Variants in AMER2 observed in about 807,000 individuals in gnomAD.
The protein encoded by AMER2 is APC membrane recruitment protein 2.
Under a neutral mutation model 4.7 loss-of-function variants are expected in AMER2, and 1 was observed. The ratio of observed to expected loss-of-function variants is 0.21; its 90% confidence interval spans 0.07 to 1.00. The LOEUF (loss-of-function observed/expected upper bound fraction) is 1.00, where lower values mean the gene tolerates loss of function less well. Ranked by LOEUF, AMER2 falls within the 50% of genes least tolerant of loss-of-function variation. The probability of loss-of-function intolerance (pLI) is 0.60; values close to 1 mark genes in which losing one functional copy is unlikely to be tolerated. For synonymous variants in AMER2, 485 were observed against 433.3 expected, an observed-to-expected ratio of 1.12 and a Z score of -1.48; for missense variants, 988 against 966.9, an observed-to-expected ratio of 1.02 and a Z score of -0.29.
chr13:25,171,175 C>T lies in AMER2; in HGVS notation c.445G>A (p.Gly149Arg), dbSNP rs1396074465. ...PGPPRAAGPG[G>R]GSLASSSVAK... is the part of the protein sequence containing the mutation. ...ACCGAGCTGCTGGCGAGGGAGCCCC[C>T]GCCGGGCCCTGCGGCTCTGGGGGGC... Residue 149 changes from glycine to arginine, a missense_variant, in exon 1 of 1, where the codon GGG becomes AGG. Physicochemically the swap from Gly to Arg is moderately radical, Grantham distance 125. Coordinates refer to ENST00000515384, the MANE Select transcript of AMER2 (RefSeq NM_152704.4). This position sits in a 1 kb window ranked among gnomAD's most constrained non-coding sequence, Gnocchi z 5.9. 8 of 1,526,238 alleles carry T rather than the reference C, an allele frequency of 5.2e-6. No individual in the cohort carries two copies. The highest frequency in any genetic ancestry group is 2.9e-5 in the African/African-American group (2 of 69,948). The allele number at this position is 1,526,238 out of a possible 1,614,324, so 94.5% of individuals were successfully genotyped here. A position where few individuals can be genotyped will look rare whatever the true frequency, so the allele number is the denominator to read the frequency against.
rs1188418638 is a variant in AMER2 at position 25,167,398 on chromosome 13, C to G, written c.*2206G>C. 6.6e-6 allele frequency: 1 copy of G among 152,098 alleles called. No individual in the cohort carries two copies. Among genetic ancestry groups the G allele is most frequent in the Admixed American group, 6.5e-5 (1 of 15,268 alleles). 9.4% of individuals were successfully genotyped at this position (152,098 alleles called of 1,614,324 possible). A position where few individuals can be genotyped will look rare whatever the true frequency, so the allele number is the denominator to read the frequency against. ...TAGGGGAAGATGAATGTATTTTGAG[C>G]CTAAATAGTACCAGCGGCATGAAAT... On this transcript the variant is annotated 3_prime_UTR_variant, in exon 1 of 1. Coordinates refer to ENST00000515384, the MANE Select transcript of AMER2 (RefSeq NM_152704.4).
chr13:25,163,733 C>T lies in AMER2; in HGVS notation c.*5871G>A, dbSNP rs965855054. ...TTCAATGGGCACAGAGTTTCAGTTA[C>T]GCAGGATGCATAGGTGAGAGAGATT... On this transcript the variant is annotated 3_prime_UTR_variant, in exon 1 of 1. Coordinates refer to ENST00000515384, the MANE Select transcript of AMER2 (RefSeq NM_152704.4). 13 of 151,710 alleles carry T rather than the reference C, an allele frequency of 8.6e-5. No individual in the cohort carries two copies. Among genetic ancestry groups the T allele is most frequent in the African/African-American group, 1.9e-4 (8 of 41,302 alleles). The allele number at this position is 151,710 out of a possible 1,614,324, so 9.4% of individuals were successfully genotyped here.
At position 25,167,241 on chromosome 13, in the gene AMER2, C is replaced by T. The variant is rs1382306866; in HGVS notation, c.*2363G>A. On this transcript the variant is annotated 3_prime_UTR_variant, in exon 1 of 1. Transcript: ENST00000515384. ...TTCTTAACTTTCCTGTACAATTGAA[C>T]AAATGAACCAACATAACTTTGCCAT... 1 of 152,096 alleles carries T rather than the reference C, an allele frequency of 6.6e-6. No individual in the cohort carries two copies. Among genetic ancestry groups the T allele is most frequent in the Admixed American group, 6.5e-5 (1 of 15,270 alleles). The allele number at this position is 152,096 out of a possible 1,614,324, so 9.4% of individuals were successfully genotyped here. A position where few individuals can be genotyped will look rare whatever the true frequency, so the allele number is the denominator to read the frequency against.
In AMER2 at chr13:25,171,363, A is replaced by G. The variant is rs891375832; in HGVS notation, c.257T>C (p.Val86Ala). 1.2e-6 allele frequency: 2 copies of G among 1,611,390 alleles called. No individual in the cohort carries two copies. The highest frequency in any genetic ancestry group is 3.3e-5 in the Admixed American group (2 of 59,806). The change falls in exon 1 of 1, where the codon GTC becomes GCC. Residue 86 changes from valine to alanine, a missense_variant. By Grantham distance (64) the Val-to-Ala change is moderately conservative (BLOSUM62 0). Coordinates refer to ENST00000515384, the MANE Select transcript of AMER2 (RefSeq NM_152704.4). This position sits in a 1 kb window ranked among gnomAD's most constrained non-coding sequence, Gnocchi z 5.9. Reference sequence around the variant, plus strand: ...GCTTTTCCCGTCCCCTTTGTTTTTGACCCCAAAAATGCTGGGCATGGTGCC... The same window carrying G: ...GCTTTTCCCGTCCCCTTTGTTTTTGGCCCCAAAAATGCTGGGCATGGTGCC... ...SGGTMPSIFG[V>A]KNKGDGKSSG...
rs1330144569 is a variant in AMER2, at chr13:25,171,810, C to T, written c.-191G>A. 6.4e-5 allele frequency: 77 copies of T among 1,204,750 alleles called. 1 individual carries two copies. The highest frequency in any genetic ancestry group is 3.2e-5 in the East Asian group (1 of 31,484). The allele number at this position is 1,204,750 out of a possible 1,614,324, so 74.6% of individuals were successfully genotyped here. On this transcript the variant is annotated 5_prime_UTR_variant, in exon 1 of 1. Coordinates refer to ENST00000515384, the MANE Select transcript of AMER2 (RefSeq NM_152704.4). The surrounding 1 kb of genome is among the most constrained non-coding windows in gnomAD (Gnocchi z 5.9). ...CACTTCCATCCGACTTGGCTCGGCG[C>T]TGCATGGCGTTTTTGTGGCAGGAGC... is the stretch of plus-strand genomic sequence containing the variant.
At position 25,171,516 on chromosome 13, in the gene AMER2, C is replaced by T. The variant is rs747625357; in HGVS notation, c.104G>A (p.Gly35Glu). 3.1e-6 allele frequency: 5 copies of T among 1,598,026 alleles called. No homozygotes were observed. In the South Asian group the frequency reaches 5.6e-5, roughly 18 times the overall value. ...VCRRKAEAGA[G>E]TGTLAADMDL... is the part of the protein sequence containing the mutation. ...CATGTCTGCCGCGAGGGTCCCGGTC[C>T]CGGCCCCGGCCTCCGCCTTCCTCCT... Residue 35 changes from glycine to glutamate, a missense_variant, in exon 1 of 1, where the codon GGG (glycine) becomes GAG (glutamate). Physicochemically the swap from Gly to Glu is moderately conservative, Grantham distance 98. Transcript: ENST00000515384. This position sits in a 1 kb window ranked among gnomAD's most constrained non-coding sequence, Gnocchi z 5.9.
rs1593691420 is a variant in AMER2, at chr13:25,171,963, C to A, written c.-344G>T. Reference sequence around the variant, plus strand: ...TCTTCACGGGAGCGCAACCATGGATCACGAAATGCCTCTAAAAACGACAAC... The same window carrying A: ...TCTTCACGGGAGCGCAACCATGGATAACGAAATGCCTCTAAAAACGACAAC... On this transcript the variant is annotated 5_prime_UTR_variant, in exon 1 of 1. Transcript: ENST00000515384. This position sits in a 1 kb window ranked among gnomAD's most constrained non-coding sequence, Gnocchi z 5.9. 6.5e-6 allele frequency: 2 copies of A among 305,670 alleles called. No homozygotes were observed. The allele number at this position is 305,670 out of a possible 1,614,324, so 18.9% of individuals were successfully genotyped here.
At position 25,165,467 on chromosome 13, in the gene AMER2, T is replaced by C. The variant is rs546812436; in HGVS notation, c.*4137A>G. On this transcript the variant is annotated 3_prime_UTR_variant, in exon 1 of 1. Transcript: ENST00000515384. ...ACCCCTTTGGTTCCAAACTGCTTCA[T>C]AAATATTTTTGTGTGTAATGAATTG... The C allele has an allele frequency of 6.6e-6, 1 of 152,376 alleles. No homozygotes were observed. Among genetic ancestry groups the C allele is most frequent in the South Asian group, 2.1e-4 (1 of 4,830 alleles). The allele number at this position is 152,376 out of a possible 1,614,324, so 9.4% of individuals were successfully genotyped here.
rs1381484654 is a variant in AMER2, at chr13:25,171,337, A to C, written c.283T>G (p.Ser95Ala). 6.2e-7 allele frequency: 1 copy of C among 1,609,660 alleles called. No individual in the cohort carries two copies. The highest frequency in any genetic ancestry group is 8.5e-7 in the Non-Finnish European group (1 of 1,178,770). Reference protein sequence around the residue: ...GVKNKGDGKSSGPTGLVRSRT... With the variant: ...GVKNKGDGKSAGPTGLVRSRT... ...CTCCTCACCAGCCCCGTCGGACCCG[A>C]GCTTTTCCCGTCCCCTTTGTTTTTG... Residue 95 changes from serine to alanine, a missense_variant, in exon 1 of 1, where the codon TCG (serine) becomes GCG (alanine). Physicochemically the swap from Ser to Ala is moderately conservative, Grantham distance 99. Transcript: ENST00000515384. The surrounding 1 kb of genome is among the most constrained non-coding windows in gnomAD (Gnocchi z 5.9).
Position 25,168,035 on chromosome 13 carries a change from TA to T in AMER2, c.*1568del, listed in dbSNP as rs1407897099. The T allele has an allele frequency of 1.3e-5, 2 of 152,198 alleles. No homozygotes were observed. The highest frequency in any genetic ancestry group is 4.8e-5 in the African/African-American group (2 of 41,472). 9.4% of individuals were successfully genotyped at this position (152,198 alleles called of 1,614,324 possible). The stretch of plus-strand genomic sequence containing the variant: ...CCTGGTATGATGAATCACCTCCTAG[TA>T]GAAGCTCTGGTCTTTTGATTAAATA... On this transcript the variant is annotated 3_prime_UTR_variant, in exon 1 of 1. Coordinates refer to ENST00000515384, the MANE Select transcript of AMER2 (RefSeq NM_152704.4).
Position 25,169,911 on chromosome 13 carries a change from G to A in AMER2, c.1709C>T (p.Pro570Leu). 1 of 1,614,184 alleles carries A rather than the reference G, an allele frequency of 6.2e-7. No homozygotes were observed. The highest frequency in any genetic ancestry group is 2.2e-5 in the East Asian group (1 of 44,866). ...CGTCTCCTCGTTGTCCTTCCCTCCA[G>A]GAAGGGTTGCTGGACTTCCGTCCGG... Reference protein sequence around the residue: ...ADPDGSPATLPGGKDNEETSS... With the variant: ...ADPDGSPATLLGGKDNEETSS... Residue 570 changes from proline to leucine, a missense_variant, in exon 1 of 1, where the codon CCT (proline) becomes CTT (leucine). Transcript: ENST00000515384. The surrounding 1 kb of genome is among the most constrained non-coding windows in gnomAD (Gnocchi z 4.2).
chr13:25,169,604 T>G lies in AMER2; in HGVS notation c.2016A>C (p.Ter672CysextTer22). 6.4e-7 allele frequency: 1 copy of G among 1,573,570 alleles called. No homozygotes were observed. Among genetic ancestry groups the G allele is most frequent in the Non-Finnish European group, 8.6e-7 (1 of 1,158,646 alleles). The change falls in exon 1 of 1, where the codon TGA becomes TGC. Residue 672 changes from the stop codon to cysteine (C), a stop_lost. Transcript: ENST00000515384. The surrounding 1 kb of genome is among the most constrained non-coding windows in gnomAD (Gnocchi z 4.2). ...CCCATCCACCTTGGCCTGGAAGACC[T>G]CACAACTTTTTGGCACTGTCGTGGC... ...TACHDSAKKL[*>C]
rs942280478 is a variant in AMER2 at position 25,167,861 on chromosome 13, C to T, written c.*1743G>A. On this transcript the variant is annotated 3_prime_UTR_variant, in exon 1 of 1. Transcript: ENST00000515384. ...ATAGGTTTTCATATATTTAACTTGC[C>T]TTGTTCTTTCATTTATGAAACAGAA... The T allele has an allele frequency of 2.6e-5, 4 of 152,066 alleles. No individual in the cohort carries two copies. Among genetic ancestry groups the T allele is most frequent in the Admixed American group, 6.6e-5 (1 of 15,264 alleles). The allele number at this position is 152,066 out of a possible 1,614,324, so 9.4% of individuals were successfully genotyped here. A position where few individuals can be genotyped will look rare whatever the true frequency, so the allele number is the denominator to read the frequency against.
At position 25,165,689 on chromosome 13, in the gene AMER2, ACTT is replaced by A. The variant is rs1275433237; in HGVS notation, c.*3912_*3914del. ...TATTCCTTATGTTTAACAGCAAAAA[ACTT>A]CTTGAATTAATTTCTTAACAATGAA... On this transcript the variant is annotated 3_prime_UTR_variant, in exon 1 of 1. Coordinates refer to ENST00000515384, the MANE Select transcript of AMER2 (RefSeq NM_152704.4). 3.3e-5 allele frequency: 5 copies of A among 152,216 alleles called. No individual in the cohort carries two copies. Among genetic ancestry groups the A allele is most frequent in the African/African-American group, 1.2e-4 (5 of 41,454 alleles). 9.4% of individuals were successfully genotyped at this position (152,216 alleles called of 1,614,324 possible). A position where few individuals can be genotyped will look rare whatever the true frequency, so the allele number is the denominator to read the frequency against.
At position 25,171,134 on chromosome 13, in the gene AMER2, G is replaced by A; in HGVS notation, c.486C>T (p.Ser162=). 6.4e-7 allele frequency: 1 copy of A among 1,553,526 alleles called. No homozygotes were observed. Among genetic ancestry groups the A allele is most frequent in the Non-Finnish European group, 8.7e-7 (1 of 1,150,620 alleles). ...LASSSVAKSH[S]FFSLLKKNGR... ...CGTTCTTCTTCAGCAGCGAGAAGAA[G>A]CTGTGCGACTTGGCCACCGAGCTGC... The change falls in exon 1 of 1, where the codon AGC becomes AGT. Residue 162 remains serine (S), a synonymous_variant. Coordinates refer to ENST00000515384, the MANE Select transcript of AMER2 (RefSeq NM_152704.4). This position sits in a 1 kb window ranked among gnomAD's most constrained non-coding sequence, Gnocchi z 5.9.
Position 25,171,026 on chromosome 13 carries a change from G to T in AMER2, c.594C>A (p.Phe198Leu), listed in dbSNP as rs765865906. Residue 198 changes from phenylalanine (F) to leucine (L), a missense_variant, in exon 1 of 1, where the codon TTC becomes TTA. Phe to Leu is a conservative substitution (Grantham distance 22). Transcript: ENST00000515384. This position sits in a 1 kb window ranked among gnomAD's most constrained non-coding sequence, Gnocchi z 5.9. ...CTTTCCTGTGCCAGCGCATGCCGCTGAACAGCCCCCGCAGCCCCCGCTTTT... is the reference window on the plus strand; with the variant it reads ...CTTTCCTGTGCCAGCGCATGCCGCTTAACAGCCCCCGCAGCCCCCGCTTTT... ...GKQKRGLRGL[F>L]SGMRWHRKDK... The T allele has an allele frequency of 6.4e-7, 1 of 1,572,682 alleles. No individual in the cohort carries two copies. The highest frequency in any genetic ancestry group is 1.1e-5 in the South Asian group (1 of 87,166).
At position 25,170,581 on chromosome 13, in the gene AMER2, C is replaced by A. The variant is rs1388676611; in HGVS notation, c.1039G>T (p.Asp347Tyr). The A allele has an allele frequency of 6.2e-7, 1 of 1,604,464 alleles. No homozygotes were observed. Among genetic ancestry groups the A allele is most frequent in the East Asian group, 2.2e-5 (1 of 44,666 alleles). The change falls in exon 1 of 1, where the codon GAC becomes TAC. Residue 347 changes from aspartate (D) to tyrosine (Y), a missense_variant. By Grantham distance (160) the Asp-to-Tyr change is radical. Coordinates refer to ENST00000515384, the MANE Select transcript of AMER2 (RefSeq NM_152704.4). This position sits in a 1 kb window ranked among gnomAD's most constrained non-coding sequence, Gnocchi z 7.3. ...GGSGRAPAAPDPASVDPPSDP... is the reference protein window; with the variant it reads ...GGSGRAPAAPYPASVDPPSDP... ...GAGGGTGGATCGACAGAGGCAGGGT[C>A]TGGGGCGGCGGGCGCCCGGCCGCTG...
chr13:25,171,457 C>A lies in AMER2; in HGVS notation c.163G>T (p.Ala55Ser). ...ATCTTCCCCGACGGCGGCTCGGCGG[C>A]CGGCGTTTCGGCGGCACAGTCACAA... is the stretch of plus-strand genomic sequence containing the variant. ...LHCDCAAETP[A>S]AEPPSGKINK... is the part of the protein sequence containing the mutation. Residue 55 changes from alanine to serine, a missense_variant, in exon 1 of 1, where the codon GCC becomes TCC. Ala to Ser is a moderately conservative substitution (Grantham distance 99, BLOSUM62 1). Coordinates refer to ENST00000515384, the MANE Select transcript of AMER2 (RefSeq NM_152704.4). This position sits in a 1 kb window ranked among gnomAD's most constrained non-coding sequence, Gnocchi z 5.9. 1 of 1,611,050 alleles carries A rather than the reference C, an allele frequency of 6.2e-7. No individual in the cohort carries two copies. Among genetic ancestry groups the A allele is most frequent in the South Asian group, 1.1e-5 (1 of 90,394 alleles).
Position 25,169,404 on chromosome 13 carries a change from C to A in AMER2, c.*200G>T, listed in dbSNP as rs1259491251. ...GACTTATCTTGAGAGGAGAAACCCC[C>A]GTGTAGCATCCCTCTTTCTGGTGTT... On this transcript the variant is annotated 3_prime_UTR_variant, in exon 1 of 1. Transcript: ENST00000515384. This position sits in a 1 kb window ranked among gnomAD's most constrained non-coding sequence, Gnocchi z 4.2. 1 of 550,928 alleles carries A rather than the reference C, an allele frequency of 1.8e-6. No individual in the cohort carries two copies. Among genetic ancestry groups the A allele is most frequent in the East Asian group, 3.2e-5 (1 of 31,216 alleles). 34.1% of individuals were successfully genotyped at this position (550,928 alleles called of 1,614,324 possible). A position where few individuals can be genotyped will look rare whatever the true frequency, so the allele number is the denominator to read the frequency against.
Sources: allele counts gnomAD v4.1 joint callset, GRCh38; gene constraint gnomAD v4.1.1; non-coding constraint Gnocchi (gnomAD v3.1); transcripts MANE v1.5; gene names NCBI Gene and HGNC (gene_info 2026-07-23, HGNC 2026-07-21).